MTUS2: variants seen among roughly 807,000 people sequenced by gnomAD.
The protein encoded by MTUS2 is microtubule-associated tumor suppressor candidate 2.
A neutral mutation model predicts 114.1 loss-of-function variants in MTUS2; 40 were observed. The ratio of observed to expected loss-of-function variants is 0.35; its 90% confidence interval spans 0.27 to 0.46. The LOEUF is 0.46. MTUS2 is among the 20% of genes least tolerant of loss of function. The probability of loss-of-function intolerance (pLI) is 1.00; values close to 1 mark genes in which losing one functional copy is unlikely to be tolerated. For missense variants in MTUS2, 1,679 were observed against 1,705.4 expected (o/e 0.98, Z 0.27); for synonymous variants, 688 against 672.0 (o/e 1.02, Z -0.37).
chr13:28,915,899 T>C (rs1481199695), intron 2 of MTUS2, among the ~76,000 whole-genome samples: 4 of 151,932 alleles, frequency 2.6e-5, no homozygotes, highest in Admixed American at 6.6e-5. Flanking sequence ...ATTTCCCATA[T>C]GTTTTCTTGT....
At chr13:29,192,867 T>A (rs766698617) in intron 5 of MTUS2, among the ~76,000 whole-genome samples, 12 of 152,172 alleles carry the variant, frequency 7.9e-5, no homozygotes, top group Non-Finnish European at 1.6e-4. Flanking sequence ...GGAACAGCAC[T>A]CTATGGTTTA....
chr13:29,121,806 A>G (rs1308416481), intron 5 of MTUS2, among the ~76,000 whole-genome samples: 45 of 151,994 alleles, frequency 3.0e-4, no homozygotes, highest in Admixed American at 2.9e-3. Flanking sequence ...ACAGGCATGT[A>G]CCAGCACACC....
At chr13:29,441,530 C>T (rs533644220) in intron 9 of MTUS2, among the ~76,000 whole-genome samples, 12 of 140,200 alleles carry the variant, frequency 8.6e-5, no homozygotes, top group African/African-American at 3.1e-4. Flanking sequence ...CCTCTGTGTC[C>T]CCATCTGTTT....
At chr13:29,432,049 C>T (rs949243850) in intron 8 of MTUS2, among the ~76,000 whole-genome samples, 2 of 141,028 alleles carry the variant, frequency 1.4e-5, no homozygotes, top group Non-Finnish European at 1.5e-5. Flanking sequence ...GCTGGGGTCT[C>T]GCTATATTGC....
At chr13:28,977,359 C>A (rs1324074321) in intron 2 of MTUS2, among the ~76,000 whole-genome samples, 2 of 152,180 alleles carry the variant, frequency 1.3e-5, no homozygotes, top group East Asian at 1.9e-4. Flanking sequence ...AATAGGAAAT[C>A]TTTTCAATGA....
At position 29,503,433 on chromosome 13, in the gene MTUS2, G is replaced by A. The variant is rs1883044758; in HGVS notation, c.*227G>A. The A allele has an allele frequency of 3.4e-6, 2 of 591,870 alleles. No individual in the cohort carries two copies. Among genetic ancestry groups the A allele is most frequent in the Non-Finnish European group, 6.0e-6 (2 of 333,198 alleles). 36.7% of individuals were successfully genotyped at this position (591,870 alleles called of 1,614,324 possible). A position where few individuals can be genotyped will look rare whatever the true frequency, so the allele number is the denominator to read the frequency against. The stretch of plus-strand genomic sequence containing the variant: ...GTGCAAACGTTTTACCATAGTTAGA[G>A]CCAAAAGAAAGACACTTGCAATTGT... On this transcript the variant is annotated 3_prime_UTR_variant, in exon 16 of 16. Transcript: ENST00000612955.
At chr13:29,200,505 G>T (rs1593593484) in intron 5 of MTUS2, among the ~76,000 whole-genome samples, 1 of 110,658 alleles carries the variant, frequency 9.0e-6, no homozygotes, top group East Asian at 2.7e-4. Flanking sequence ...GTGGTTTTGA[G>T]TGAGTTTCTT....
At chr13:28,941,238 A>G (rs1882217090) in intron 2 of MTUS2, among the ~76,000 whole-genome samples, 1 of 152,050 alleles carries the variant, frequency 6.6e-6, no homozygotes, top group Admixed American at 6.5e-5. Flanking sequence ...TTATATTTAT[A>G]TTTACTGTAT....
chr13:29,472,078 G>A (rs4769747), intron 9 of MTUS2, among the ~76,000 whole-genome samples: 57,361 of 152,096 alleles, frequency 0.38, 11,232 homozygotes, highest in African/African-American at 0.46. Flanking sequence ...AGGCTGGAGT[G>A]CAGTGGCATG....
At chr13:29,254,785 G>C (rs1897241233) in intron 5 of MTUS2, among the ~76,000 whole-genome samples, 2 of 152,188 alleles carry the variant, frequency 1.3e-5, no homozygotes, top group Non-Finnish European at 2.9e-5. Flanking sequence ...TGCCAGCTCT[G>C]ATTACATCCA....
rs200916155 is a variant in MTUS2, at chr13:29,172,843, T to G, written c.2644+71873T>G. Among the ~76,000 whole-genome samples, 19 of 152,280 alleles carry G rather than the reference T, an allele frequency of 1.2e-4. No individual in the cohort carries two copies. In the East Asian group the frequency reaches 3.7e-3, roughly 29 times the overall value. On this transcript the variant is annotated intron_variant, in intron 5 of 15. Coordinates refer to ENST00000612955, the MANE Select transcript of MTUS2 (RefSeq NM_001033602.4). ...ATGTGTACAAAGTAGAGAAGGAAAT[T>G]TTAAAAACTTTAAAACAAGGAGTCC...
intron 2 of MTUS2, among the ~76,000 whole-genome samples, chr13:29,008,625 C>CA (rs1253353003): frequency 6.6e-6 from 1 of 152,180 alleles, no homozygotes; most frequent in East Asian, 1.9e-4. Context: ...GATAGTTTAG[C>CA]AAGATATAGA....
intron 12 of MTUS2, among the ~76,000 whole-genome samples, chr13:29,495,820 A>G (rs1451893067): frequency 2.0e-5 from 3 of 151,882 alleles, no homozygotes; most frequent in African/African-American, 7.3e-5. Flanking sequence ...GCAGTGAGCC[A>G]AGATCATACC....
chr13:29,241,101 C>A (rs556181576), intron 5 of MTUS2, among the ~76,000 whole-genome samples: 8 of 152,158 alleles, frequency 5.3e-5, no homozygotes, highest in African/African-American at 1.4e-4. Context: ...ACATACTGCC[C>A]TAATGTGAAA....
chr13:29,485,238 T>A (rs1288736009), intron 10 of MTUS2: 1 of 152,648 alleles, frequency 6.6e-6, no homozygotes, highest in African/African-American at 2.4e-5. Flanking sequence ...TCTCCTCCAA[T>A]TCCTTCTGGT....
At chr13:28,925,036 T>C (rs1881253308) in intron 2 of MTUS2, among the ~76,000 whole-genome samples, 1 of 152,112 alleles carries the variant, frequency 6.6e-6, no homozygotes, top group Admixed American at 6.5e-5. Flanking sequence ...ATTTAATTCC[T>C]GCTCCCTGTC....
chr13:28,887,784 G>A (rs1387352299), intron 2 of MTUS2, among the ~76,000 whole-genome samples: 1 of 152,070 alleles, frequency 6.6e-6, no homozygotes, highest in Non-Finnish European at 1.5e-5. Flanking sequence ...CACTCCCTGG[G>A]GCTATCATCT....
chr13:28,899,255 G>A (rs1412326769), intron 2 of MTUS2, among the ~76,000 whole-genome samples: 1 of 152,118 alleles, frequency 6.6e-6, no homozygotes, highest in Admixed American at 6.5e-5. Context: ...CATATTTTAA[G>A]TTCAGCCAAA....
intron 2 of MTUS2, among the ~76,000 whole-genome samples, chr13:29,022,296 C>T (rs1886325149): frequency 6.6e-6 from 1 of 152,118 alleles, no homozygotes; most frequent in African/African-American, 2.4e-5. Flanking sequence ...TGAGGAGGAG[C>T]ATGAGGATGG....
Sources: gnomAD v4.1 joint callset for allele counts (sites outside exome capture counted in the v4.1 genomes callset) on GRCh38, gnomAD v4.1.1 for gene constraint, MANE v1.5 for transcripts, NCBI Gene and HGNC (gene_info 2026-07-23, HGNC 2026-07-21) for gene names.